GMIP: variants seen among roughly 807,000 people sequenced by gnomAD.
The protein encoded by GMIP is GEM-interacting protein.
A neutral mutation model predicts 105.3 loss-of-function variants in GMIP; 54 were observed. That is an observed-to-expected ratio of 0.51 (90% CI 0.41 to 0.64). The LOEUF (loss-of-function observed/expected upper bound fraction) is 0.64, where lower values mean the gene tolerates loss of function less well. Among genes scored for constraint, GMIP ranks in the 30% least tolerant of loss-of-function variants. The probability of loss-of-function intolerance (pLI) is 0.00; values close to 1 mark genes in which losing one functional copy is unlikely to be tolerated. For missense variants in GMIP, 1,110 were observed against 1,319.4 expected, an observed-to-expected ratio of 0.84 and a Z score of 2.46; for synonymous variants, 541 against 560.8, an observed-to-expected ratio of 0.96 and a Z score of 0.50.
At position 19,629,850 on chromosome 19, in the gene GMIP, C is replaced by G. The variant is rs1398435976; in HGVS notation, c.*113G>C. The G allele has an allele frequency of 9.3e-7, 1 of 1,071,358 alleles. No individual in the cohort carries two copies. Among genetic ancestry groups the G allele is most frequent in the Non-Finnish European group, 1.3e-6 (1 of 752,628 alleles). The allele number at this position is 1,071,358 out of a possible 1,614,324, so 66.4% of individuals were successfully genotyped here. ...TTCCTTATAGGAACCCTCTGGACCT[C>G]TCCCAGCATTGAACTCCTGGCGGGG... On this transcript the variant is annotated 3_prime_UTR_variant, in exon 21 of 21. Coordinates refer to ENST00000203556, the MANE Select transcript of GMIP (RefSeq NM_016573.4).
intron 4 of GMIP, among the ~76,000 whole-genome samples, chr19:19,641,366 C>T (rs1380255529): frequency 6.6e-6 from 1 of 152,106 alleles, no homozygotes; most frequent in Non-Finnish European, 1.5e-5. Flanking sequence ...CAGGCGTGAG[C>T]CACTGCGTCC....
rs560142654 is a variant in GMIP at position 19,634,383 on chromosome 19, G to A, written c.2084+124C>T. 2.3e-5 allele frequency: 24 copies of A among 1,031,574 alleles called. No individual in the cohort carries two copies. The African/African-American group carries it at 2.6e-4, about 11-fold the overall frequency. The allele number at this position is 1,031,574 out of a possible 1,614,324, so 63.9% of individuals were successfully genotyped here. A position where few individuals can be genotyped will look rare whatever the true frequency, so the allele number is the denominator to read the frequency against. On this transcript the variant is annotated intron_variant, in intron 18 of 20. Coordinates refer to ENST00000203556, the MANE Select transcript of GMIP (RefSeq NM_016573.4). The surrounding 1 kb of genome is among the most constrained non-coding windows in gnomAD (Gnocchi z 6.1). ...CCCAAAGTTATGAATCATGGATTAA[G>A]GTTCAGAGTTCAGAAAACACAGGTC...
At position 19,630,628 on chromosome 19, in the gene GMIP, C is replaced by T; in HGVS notation, c.2473-91G>A. The stretch of plus-strand genomic sequence containing the variant: ...AGCCAAGGGCTTGTTCCTGGACATG[C>T]AAAAGGAATAGCCAGTGCAAAGGCC... On this transcript the variant is annotated intron_variant, in intron 19 of 20. Transcript: ENST00000203556. The surrounding 1 kb of genome is among the most constrained non-coding windows in gnomAD (Gnocchi z 4.8). The T allele has an allele frequency of 8.7e-7, 1 of 1,146,016 alleles. No homozygotes were observed. Among genetic ancestry groups the T allele is most frequent in the Non-Finnish European group, 1.3e-6 (1 of 758,238 alleles). The allele number at this position is 1,146,016 out of a possible 1,614,324, so 71.0% of individuals were successfully genotyped here.
At position 19,637,356 on chromosome 19, in the gene GMIP, G is replaced by A; in HGVS notation, c.1124+9C>T. ...GGCTCGTTCCCGACTCCCTGCTCCA[G>A]TGACCCACCTGTTCAAGGAGGGAAG... On this transcript the variant is annotated intron_variant, in intron 11 of 20. Coordinates refer to ENST00000203556, the MANE Select transcript of GMIP (RefSeq NM_016573.4). The surrounding 1 kb of genome is among the most constrained non-coding windows in gnomAD (Gnocchi z 6.7). The A allele has an allele frequency of 1.3e-6, 2 of 1,486,808 alleles. No individual in the cohort carries two copies. The highest frequency in any genetic ancestry group is 1.4e-5 in the South Asian group (1 of 73,106). The allele number at this position is 1,486,808 out of a possible 1,614,324, so 92.1% of individuals were successfully genotyped here. A position where few individuals can be genotyped will look rare whatever the true frequency, so the allele number is the denominator to read the frequency against.
chr19:19,638,780 T>A (rs1437581382), intron 7 of GMIP, among the ~76,000 whole-genome samples: 7 of 143,714 alleles, frequency 4.9e-5, no homozygotes, highest in Non-Finnish European at 1.5e-5. Flanking sequence ...AATTTCTTCT[T>A]TTTTTTTTTT....
chr19:19,635,552 C>G lies in GMIP; in HGVS notation c.1423G>C (p.Glu475Gln). ...CCGAAGGGGCTGCCCAGCCCATTCT[C>G]CAGCCCGTCTCCCAGGTCTGCAGGG... ...ERDPDLGDGL[E>Q]NGLGSPFGKW... The change falls in exon 15 of 21, where the codon GAG becomes CAG. Residue 475 changes from glutamate to glutamine, a missense_variant. Around this residue, in one of 3 missense-constraint regions of GMIP, gnomAD observed 667 missense variants for 773.2 expected, o/e 0.86. Coordinates refer to ENST00000203556, the MANE Select transcript of GMIP (RefSeq NM_016573.4). This position sits in a 1 kb window ranked among gnomAD's most constrained non-coding sequence, Gnocchi z 4.7. The G allele has an allele frequency of 6.2e-7, 1 of 1,613,848 alleles. No homozygotes were observed. The highest frequency in any genetic ancestry group is 8.5e-7 in the Non-Finnish European group (1 of 1,179,860).
Position 19,634,033 on chromosome 19 carries a change from A to C in GMIP, c.2242T>G (p.Phe748Val). The C allele has an allele frequency of 2.5e-6, 4 of 1,613,246 alleles. No homozygotes were observed. The highest frequency in any genetic ancestry group is 3.4e-6 in the Non-Finnish European group (4 of 1,179,684). The change falls in exon 19 of 21, where the codon TTC becomes GTC. Residue 748 changes from phenylalanine to valine, a missense_variant. By Grantham distance (50) the Phe-to-Val change is conservative. Around this residue, in one of 3 missense-constraint regions of GMIP, gnomAD observed 394 missense variants for 450.5 expected, o/e 0.87. Transcript: ENST00000203556. This position sits in a 1 kb window ranked among gnomAD's most constrained non-coding sequence, Gnocchi z 6.1. ...DSGHQAQLVE[F>V]LIVHYEQIFG... The stretch of plus-strand genomic sequence containing the variant: ...ATCTGCTCGTAGTGCACGATGAGGA[A>C]CTCCACAAGCTGGGCCTGATGCCCA...
chr19:19,642,459 G>T, intron 2 of GMIP, 76 bp downstream of exon 2: 1 of 853,920 alleles, frequency 1.2e-6, no homozygotes, highest in South Asian at 1.4e-5. Context: ...TTCCAAATGG[G>T]ACTGCAAGGC....
At chr19:19,636,381 G>A (rs1425505990) in intron 13 of GMIP, among the ~76,000 whole-genome samples, 4 of 151,496 alleles carry the variant, frequency 2.6e-5, no homozygotes, top group African/African-American at 4.9e-5. Flanking sequence ...AAAATCAGCC[G>A]GCGTGGTAGT....
rs1021009561 is a variant in GMIP, at chr19:19,635,219, G to A, written c.1561-6C>T. ...TTGTGGCAGGTCAGAAAGCACTGTG[G>A]GGAAGGTCACAGGGACAGGGAGGTC... is the stretch of plus-strand genomic sequence containing the variant. On this transcript the variant is annotated splice_polypyrimidine_tract_variant and splice_region_variant and intron_variant, in intron 15 of 20. Coordinates refer to ENST00000203556, the MANE Select transcript of GMIP (RefSeq NM_016573.4). This position sits in a 1 kb window ranked among gnomAD's most constrained non-coding sequence, Gnocchi z 4.7. 1 of 1,608,668 alleles carries A rather than the reference G, an allele frequency of 6.2e-7. No individual in the cohort carries two copies. The highest frequency in any genetic ancestry group is 8.5e-7 in the Non-Finnish European group (1 of 1,177,170).
chr19:19,641,681 A>G, intron 4 of GMIP, 129 bp downstream of exon 4: 2 of 754,686 alleles, frequency 2.7e-6, no homozygotes, highest in South Asian at 3.0e-5. Context: ...TGGGACTGAG[A>G]TCTGTTGTGT....
At chr19:19,642,410 T>G (rs189783434) in intron 2 of GMIP, 125 bp downstream of exon 2, 1 of 687,680 alleles carries the variant, frequency 1.5e-6, no homozygotes, top group Non-Finnish European at 2.7e-6. Context: ...CATCCTAGAC[T>G]TCTCTGGTTA....
chr19:19,637,380 A>G lies in GMIP; in HGVS notation c.1109T>C (p.Leu370Pro). Residue 370 changes from leucine (L) to proline (P), a missense_variant, in exon 11 of 21, where the codon CTT becomes CCT. By Grantham distance (98) the Leu-to-Pro change is moderately conservative (BLOSUM62 -3). This residue lies in a region of GMIP where 667 missense variants were observed against 773.2 expected (regional missense o/e 0.86). Coordinates refer to ENST00000203556, the MANE Select transcript of GMIP (RefSeq NM_016573.4). The surrounding 1 kb of genome is among the most constrained non-coding windows in gnomAD (Gnocchi z 6.7). Reference protein sequence around the residue: ...PPPAFSFQEFLPSLNSSPLDI... With the variant: ...PPPAFSFQEFPPSLNSSPLDI... ...AGTGACCCACCTGTTCAAGGAGGGA[A>G]GGAACTCCTGGAAGGAGAAGGCGGG... 1 of 1,503,214 alleles carries G rather than the reference A, an allele frequency of 6.7e-7. No homozygotes were observed. The highest frequency in any genetic ancestry group is 8.8e-7 in the Non-Finnish European group (1 of 1,131,390). 93.1% of individuals were successfully genotyped at this position (1,503,214 alleles called of 1,614,324 possible). A position where few individuals can be genotyped will look rare whatever the true frequency, so the allele number is the denominator to read the frequency against.
chr19:19,633,859 G>A lies in GMIP; in HGVS notation c.2416C>T (p.Pro806Ser). 6.7e-7 allele frequency: 1 copy of A among 1,500,720 alleles called. No individual in the cohort carries two copies. Among genetic ancestry groups the A allele is most frequent in the Non-Finnish European group, 8.9e-7 (1 of 1,125,862 alleles). The allele number at this position is 1,500,720 out of a possible 1,614,324, so 93.0% of individuals were successfully genotyped here. A position where few individuals can be genotyped will look rare whatever the true frequency, so the allele number is the denominator to read the frequency against. Residue 806 changes from proline to serine, a missense_variant, in exon 19 of 21, where the codon CCA becomes TCA. This residue lies in a region of GMIP where 394 missense variants were observed against 450.5 expected (regional missense o/e 0.87). Coordinates refer to ENST00000203556, the MANE Select transcript of GMIP (RefSeq NM_016573.4). ...QPPVLASDPG[P>S]DPQHHSTLEQ... ...AGGGTACTGTGGTGCTGGGGGTCTGGGCCGGGGTCTGAGGCTAGGACTGGG... is the reference window on the plus strand; with the variant it reads ...AGGGTACTGTGGTGCTGGGGGTCTGAGCCGGGGTCTGAGGCTAGGACTGGG...
In GMIP at chr19:19,637,268, T is replaced by G; in HGVS notation, c.1124+97A>C. 1.1e-6 allele frequency: 1 copy of G among 893,454 alleles called. No individual in the cohort carries two copies. 55.3% of individuals were successfully genotyped at this position (893,454 alleles called of 1,614,324 possible). A position where few individuals can be genotyped will look rare whatever the true frequency, so the allele number is the denominator to read the frequency against. ...CTGGAGTACTAAATTCCACTAAGGC[T>G]TTGCGTTCTCTAACCTCGAGTAACC... On this transcript the variant is annotated intron_variant, in intron 11 of 20. Coordinates refer to ENST00000203556, the MANE Select transcript of GMIP (RefSeq NM_016573.4). The surrounding 1 kb of genome is among the most constrained non-coding windows in gnomAD (Gnocchi z 6.7).
At position 19,630,784 on chromosome 19, in the gene GMIP, C is replaced by G. The variant is rs1049625875; in HGVS notation, c.2473-247G>C. On this transcript the variant is annotated intron_variant, in intron 19 of 20. Transcript: ENST00000203556. The surrounding 1 kb of genome is among the most constrained non-coding windows in gnomAD (Gnocchi z 4.8). ...CTGCCAGCCACCCCTGACTTTGCACCTACTCTGCACTGGGTGTGGACTACC... is the reference window on the plus strand; with the variant it reads ...CTGCCAGCCACCCCTGACTTTGCACGTACTCTGCACTGGGTGTGGACTACC... 1.3e-5 allele frequency among the ~76,000 whole-genome samples: 2 copies of G among 152,184 alleles called. 1 individual carries two copies. The highest frequency in any genetic ancestry group is 4.8e-5 in the African/African-American group (2 of 41,448).
At position 19,640,401 on chromosome 19, in the gene GMIP, C is replaced by T. The variant is rs745419479; in HGVS notation, c.365-41G>A. On this transcript the variant is annotated intron_variant, in intron 5 of 20. Coordinates refer to ENST00000203556, the MANE Select transcript of GMIP (RefSeq NM_016573.4). ...GCCGGGCTCTGGGTCTAGCTGGGGTCTGGGGACTGCCTGGTAACTGGGGCT... is the reference window on the plus strand; with the variant it reads ...GCCGGGCTCTGGGTCTAGCTGGGGTTTGGGGACTGCCTGGTAACTGGGGCT... 1.3e-5 allele frequency: 21 copies of T among 1,613,982 alleles called. No individual in the cohort carries two copies. The East Asian group carries it at 3.6e-4, about 27-fold the overall frequency.
chr19:19,643,643 G>C lies in GMIP; in HGVS notation c.-114C>G. ...GCCGCCGCCGCCGCCTCGGTTCCGC[G>C]TCGCCCTGCCCAGCGGAGGCCACGC... On this transcript the variant is annotated 5_prime_UTR_variant, in exon 1 of 21. Transcript: ENST00000203556. 1 of 914,352 alleles carries C rather than the reference G, an allele frequency of 1.1e-6. No individual in the cohort carries two copies. Among genetic ancestry groups the C allele is most frequent in the Non-Finnish European group, 1.6e-6 (1 of 621,060 alleles). 56.6% of individuals were successfully genotyped at this position (914,352 alleles called of 1,614,324 possible). A position where few individuals can be genotyped will look rare whatever the true frequency, so the allele number is the denominator to read the frequency against.
chr19:19,643,497 C>G lies in GMIP; in HGVS notation c.19+14G>C, dbSNP rs1016846639. 4.5e-6 allele frequency: 7 copies of G among 1,545,904 alleles called. No individual in the cohort carries two copies. Among genetic ancestry groups the G allele is most frequent in the Non-Finnish European group, 6.1e-6 (7 of 1,143,846 alleles). On this transcript the variant is annotated intron_variant, in intron 1 of 20. Coordinates refer to ENST00000203556, the MANE Select transcript of GMIP (RefSeq NM_016573.4). ...TGGTCGGGGGAGGCCCCTCCCGGAT[C>G]CCCGACCCCCTACCCGGCTCTGCTG...
Sources: gnomAD v4.1 joint callset for allele counts (sites outside exome capture counted in the v4.1 genomes callset) on GRCh38, gnomAD v4.1.1 for gene constraint, gnomAD v4.1.1 regional missense constraint, Gnocchi (gnomAD v3.1) non-coding constraint, MANE v1.5 for transcripts, NCBI Gene and HGNC (gene_info 2026-07-23, HGNC 2026-07-21) for gene names.